Variants in GAB2 observed in about 807,000 individuals in gnomAD.
The protein encoded by GAB2 is GRB2-associated-binding protein 2.
A neutral mutation model predicts 65.5 loss-of-function variants in GAB2; 26 were observed. That is an observed-to-expected ratio of 0.40 (90% CI 0.29 to 0.55). The LOEUF is 0.55. Ranked by LOEUF, GAB2 falls within the 20% of genes least tolerant of loss-of-function variation. The probability of loss-of-function intolerance (pLI) is 0.53; values close to 1 mark genes in which losing one functional copy is unlikely to be tolerated. For missense variants in GAB2, 884 were observed against 875.8 expected (o/e 1.01, Z -0.12); for synonymous variants, 321 against 329.6 (o/e 0.97, Z 0.28).
At position 78,326,368 on chromosome 11, in the gene GAB2, T is replaced by A. The variant is rs143732477; in HGVS notation, c.76-45467A>T. 6.6e-5 allele frequency among the ~76,000 whole-genome samples: 10 copies of A among 152,334 alleles called. No individual in the cohort carries two copies. The East Asian group carries it at 1.7e-3, about 26-fold the overall frequency. On this transcript the variant is annotated intron_variant, in intron 1 of 9. Transcript: ENST00000361507. ...ACTTAAGGTCACACTGAGAAACTTTTAAGAGGACTTCATTTCTGCATTTAT... is the reference window on the plus strand; with the variant it reads ...ACTTAAGGTCACACTGAGAAACTTTAAAGAGGACTTCATTTCTGCATTTAT...
chr11:78,270,228 G>A (rs538513703), intron 2 of GAB2, among the ~76,000 whole-genome samples: 2 of 152,130 alleles, frequency 1.3e-5, no homozygotes, highest in South Asian at 2.1e-4. Context: ...TCAGGAGGCC[G>A]AGGCAGGAGA....
intron 1 of GAB2, among the ~76,000 whole-genome samples, chr11:78,408,776 G>C (rs4945275): frequency 1.4e-4 from 22 of 151,936 alleles, no homozygotes; most frequent in Middle Eastern, 6.8e-3. Flanking sequence ...TGGTTATTTA[G>C]AAGTGTGTAG....
chr11:78,400,733 T>A (rs1856957982), intron 1 of GAB2, among the ~76,000 whole-genome samples: 2 of 151,626 alleles, frequency 1.3e-5, no homozygotes, highest in South Asian at 2.1e-4. Flanking sequence ...CAAAACCCCA[T>A]CTCTATTGAA....
intron 1 of GAB2, among the ~76,000 whole-genome samples, chr11:78,321,416 T>C (rs1367090881): frequency 6.6e-6 from 1 of 152,212 alleles, no homozygotes; most frequent in African/African-American, 2.4e-5. Flanking sequence ...TTGGCTGAAT[T>C]ACCTCTTTAC....
intron 1 of GAB2, among the ~76,000 whole-genome samples, chr11:78,286,766 T>A (rs1173620344): frequency 1.3e-5 from 2 of 152,206 alleles, no homozygotes; most frequent in Non-Finnish European, 2.9e-5. Flanking sequence ...TTCATTCTGA[T>A]AAGTGCAGTA....
intron 1 of GAB2, among the ~76,000 whole-genome samples, chr11:78,384,347 G>A (rs1044264655): frequency 6.6e-6 from 1 of 152,232 alleles, no homozygotes; most frequent in African/African-American, 2.4e-5. Flanking sequence ...AGTCCTGGGA[G>A]TGCTTGCAGG....
chr11:78,309,971 T>TGTGTGTGTGTGTGTGTGCGCGCGC (rs1421836447), intron 1 of GAB2, among the ~76,000 whole-genome samples: 33 of 120,186 alleles, frequency 2.7e-4, no homozygotes, highest in African/African-American at 1.1e-3. Context: ...TGTGTGTGTG[T>TGTGTGTGTGTGTGTGTGCGCGCGC]GCGCGCGCGC....
intron 1 of GAB2, among the ~76,000 whole-genome samples, chr11:78,302,787 T>C (rs539375937): frequency 2.0e-5 from 3 of 152,190 alleles, no homozygotes; most frequent in African/African-American, 7.2e-5. Flanking sequence ...CAAATACCTA[T>C]CAATGAGTGG....
At chr11:78,337,676 G>A (rs1469292158) in intron 1 of GAB2, among the ~76,000 whole-genome samples, 1 of 152,216 alleles carries the variant, frequency 6.6e-6, no homozygotes, top group African/African-American at 2.4e-5. Context: ...AGCTAATGGT[G>A]AGAAGTAGAA....
chr11:78,310,061 C>T (rs2134641956), intron 1 of GAB2, among the ~76,000 whole-genome samples: 1 of 151,674 alleles, frequency 6.6e-6, no homozygotes, highest in African/African-American at 2.4e-5. Context: ...GGGCAGAGGA[C>T]AGGTATATTA....
chr11:78,417,409 G>A (rs1308928352), intron 1 of GAB2, among the ~76,000 whole-genome samples: 2 of 151,856 alleles, frequency 1.3e-5, no homozygotes, highest in East Asian at 2.0e-4. Context: ...CGCCGCAGCC[G>A]CACCCGCCTG....
At chr11:78,386,998 T>A (rs779144346) in intron 1 of GAB2, among the ~76,000 whole-genome samples, 19 of 152,190 alleles carry the variant, frequency 1.2e-4, no homozygotes, top group African/African-American at 4.3e-4. Flanking sequence ...TTGTTAGATT[T>A]AGACATTAAA....
In GAB2 at chr11:78,226,847, A is replaced by G; in HGVS notation, c.825T>C (p.His275=). Residue 275 remains histidine (H), a synonymous_variant, in exon 4 of 10, where the codon CAT becomes CAC. Transcript: ENST00000361507. ...TYDLPRSLAS[H]GHTKGSLTGS... Reference sequence around the variant, plus strand: ...CTGTGAGGCTGCCCTTGGTGTGGCCATGGGAGGCCAGGCTGCGGGGGAGGT... The same window carrying G: ...CTGTGAGGCTGCCCTTGGTGTGGCCGTGGGAGGCCAGGCTGCGGGGGAGGT... 1.2e-6 allele frequency: 2 copies of G among 1,613,938 alleles called. No individual in the cohort carries two copies. Among genetic ancestry groups the G allele is most frequent in the South Asian group, 1.1e-5 (1 of 91,086 alleles).
chr11:78,286,707 G>C (rs906897811), intron 1 of GAB2, among the ~76,000 whole-genome samples: 2 of 152,170 alleles, frequency 1.3e-5, no homozygotes, highest in Non-Finnish European at 2.9e-5. Context: ...ATAAGATAAA[G>C]ATGTGTAATA....
chr11:78,343,803 T>C (rs1191708653), intron 1 of GAB2, among the ~76,000 whole-genome samples: 1 of 152,190 alleles, frequency 6.6e-6, no homozygotes, highest in Non-Finnish European at 1.5e-5. Context: ...TTTCAATATA[T>C]AATCAATATA....
chr11:78,376,001 T>C (rs1166000509), intron 1 of GAB2, among the ~76,000 whole-genome samples: 2 of 152,216 alleles, frequency 1.3e-5, no homozygotes, highest in Non-Finnish European at 2.9e-5. Flanking sequence ...TTTCCCATAG[T>C]CTAACAGAGG....
At chr11:78,399,686 T>A (rs1201140819) in intron 1 of GAB2, among the ~76,000 whole-genome samples, 1 of 152,238 alleles carries the variant, frequency 6.6e-6, no homozygotes, top group Non-Finnish European at 1.5e-5. Flanking sequence ...GAAAGGGATG[T>A]GAAGGCACCC....
chr11:78,358,300 TG>T (rs1009792975), intron 1 of GAB2, among the ~76,000 whole-genome samples: 2 of 47,294 alleles, frequency 4.2e-5, no homozygotes, highest in Admixed American at 3.0e-4. Context: ...TGTTGTGGGG[TG>T]GGGGGAGGGG....
At chr11:78,300,579 G>T (rs970906375) in intron 1 of GAB2, among the ~76,000 whole-genome samples, 4 of 150,024 alleles carry the variant, frequency 2.7e-5, no homozygotes, top group African/African-American at 9.8e-5. Context: ...TGTTTTTGCA[G>T]TCCTATCAAC....
Sources: gnomAD v4.1 joint callset for allele counts (sites outside exome capture counted in the v4.1 genomes callset) on GRCh38, gnomAD v4.1.1 for gene constraint, MANE v1.5 for transcripts, NCBI Gene and HGNC (gene_info 2026-07-23, HGNC 2026-07-21) for gene names.